Variants in AGBL4 observed in about 807,000 individuals in gnomAD.
AGBL4 encodes the protein cytosolic carboxypeptidase 6.
AGBL4 carries 58 observed loss-of-function variants against 66.4 expected under a neutral mutation model. The observed-to-expected ratio is 0.87, with a 90% CI of 0.71 to 1.09. The LOEUF (loss-of-function observed/expected upper bound fraction) is 1.09. AGBL4 is among the 50% of genes least tolerant of loss of function. The pLI is 0.00. For synonymous variants in AGBL4, 234 were observed against 222.9 expected (o/e 1.05, Z -0.44); for missense variants, 579 against 631.0 (o/e 0.92, Z 0.88).
chr1:48,846,658 G>C (rs558500656), intron 6 of AGBL4, among the ~76,000 whole-genome samples: 3 of 152,244 alleles, frequency 2.0e-5, no homozygotes, highest in African/African-American at 7.2e-5. Context: ...ACCAGTTTAG[G>C]CATGGTAAGT....
At chr1:49,697,494 T>C (rs140619250) in intron 2 of AGBL4, 57 bp from the exon 3 acceptor site, 9 of 1,324,792 alleles carry the variant, frequency 6.8e-6, no homozygotes, top group Middle Eastern at 1.9e-4. Flanking sequence ...AGCTCAATGG[T>C]ACACACATTT....
At chr1:49,747,446 CAAAG>C (rs1172414545) in intron 2 of AGBL4, among the ~76,000 whole-genome samples, 1 of 152,064 alleles carries the variant, frequency 6.6e-6, no homozygotes, top group East Asian at 1.9e-4. Context: ...TTCTGATGAA[CAAAG>C]AGATAATAGT....
At chr1:49,346,050 C>T (rs948686480) in intron 3 of AGBL4, among the ~76,000 whole-genome samples, 21 of 152,184 alleles carry the variant, frequency 1.4e-4, no homozygotes, top group Non-Finnish European at 2.1e-4. Flanking sequence ...TTTTAAAAAG[C>T]GCCTATATGG....
intron 3 of AGBL4, among the ~76,000 whole-genome samples, chr1:49,503,221 C>A (rs1366325887): frequency 3.9e-5 from 6 of 152,116 alleles, no homozygotes; most frequent in African/African-American, 1.4e-4. Flanking sequence ...GCCTTAGTAA[C>A]TTCCATGTGG....
rs1271576104 is a variant in AGBL4 at position 48,587,159 on chromosome 1, G to A, written c.1112C>T (p.Thr371Ile). ...TTTCACAGCGTCCCGGTTAAAGGAT[G>A]TGCTGGACTGTGAAAGACAGAGTAG... ...QNAEDFSYSS[T>I]SFNRDAVKAG... The change falls in exon 11 of 14, where the codon ACA becomes ATA. Residue 371 changes from threonine (T) to isoleucine (I), a missense_variant. Thr to Ile is a moderately conservative substitution (Grantham distance 89, BLOSUM62 -1). Coordinates refer to ENST00000371839, the MANE Select transcript of AGBL4 (RefSeq NM_032785.4). 1 of 1,552,200 alleles carries A rather than the reference G, an allele frequency of 6.4e-7. No homozygotes were observed. Among genetic ancestry groups the A allele is most frequent in the Non-Finnish European group, 8.7e-7 (1 of 1,147,520 alleles).
At chr1:49,882,089 T>A (rs1647396258) in intron 1 of AGBL4, among the ~76,000 whole-genome samples, 1 of 152,084 alleles carries the variant, frequency 6.6e-6, no homozygotes. Context: ...GGGATCCAGT[T>A]TCAGCTTTCT....
At chr1:49,044,316 G>A (rs1408629479) in intron 5 of AGBL4, among the ~76,000 whole-genome samples, 1 of 152,008 alleles carries the variant, frequency 6.6e-6, no homozygotes, top group Non-Finnish European at 1.5e-5. Flanking sequence ...TGGCCAACAT[G>A]GTGAAACACT....
chr1:49,458,350 C>T (rs552674525), intron 3 of AGBL4, among the ~76,000 whole-genome samples: 1 of 151,762 alleles, frequency 6.6e-6, no homozygotes, highest in African/African-American at 2.4e-5. Flanking sequence ...TAATTCTCAG[C>T]TTGGTCACTG....
chr1:49,720,966 C>T (rs529530167), intron 2 of AGBL4, among the ~76,000 whole-genome samples: 4 of 152,128 alleles, frequency 2.6e-5, no homozygotes, highest in East Asian at 1.9e-4. Flanking sequence ...TAATGAGAGG[C>T]GAAGCCAGCT....
intron 4 of AGBL4, among the ~76,000 whole-genome samples, chr1:49,232,805 A>G (rs997045365): frequency 1.3e-5 from 2 of 152,078 alleles, no homozygotes; most frequent in African/African-American, 4.8e-5. Context: ...GAAAGCAATG[A>G]TATTTAGTTT....
intron 1 of AGBL4, among the ~76,000 whole-genome samples, chr1:49,856,567 T>C (rs201572674): frequency 6.6e-6 from 1 of 152,020 alleles, no homozygotes; most frequent in East Asian, 1.9e-4. Context: ...ACAAGGACGG[T>C]TCAACATACA....
chr1:48,950,981 G>A (rs545301109), intron 5 of AGBL4, among the ~76,000 whole-genome samples: 1 of 152,086 alleles, frequency 6.6e-6, no homozygotes, highest in East Asian at 1.9e-4. Context: ...CAAAAATCCA[G>A]ATAAAAAATG....
intron 1 of AGBL4, among the ~76,000 whole-genome samples, chr1:49,979,434 G>A (rs1658873524): frequency 1.3e-5 from 2 of 151,040 alleles, no homozygotes; most frequent in African/African-American, 2.4e-5. Flanking sequence ...GCAGTCCGCA[G>A]TCCGGCCTGG....
At chr1:48,703,933 T>G (rs1646841696) in intron 6 of AGBL4, among the ~76,000 whole-genome samples, 1 of 152,208 alleles carries the variant, frequency 6.6e-6, no homozygotes, top group Non-Finnish European at 1.5e-5. Flanking sequence ...TTCTGGGAAA[T>G]GCCTCATTAG....
rs74967170 is a variant in AGBL4 at position 50,017,871 on chromosome 1, C to A, written c.34+5892G>T. Among the ~76,000 whole-genome samples the A allele has an allele frequency of 4.0e-3, 608 of 152,032 alleles. 1 individual carries two copies. The highest frequency in any genetic ancestry group is 6.6e-3 in the Non-Finnish European group (449 of 67,970). On this transcript the variant is annotated intron_variant, in intron 1 of 13. Transcript: ENST00000371839. ...CCATATAACAAACCTGTGTATGTAC[C>A]CCATGAGCCTAAAATAAAAGTTGAA...
intron 4 of AGBL4, among the ~76,000 whole-genome samples, chr1:49,193,833 T>G (rs1198418554): frequency 1.3e-5 from 2 of 152,174 alleles, no homozygotes; most frequent in African/African-American, 4.8e-5. Flanking sequence ...GTGCCCAGCC[T>G]TGGTATTGAT....
chr1:48,580,320 A>G (rs1478525658), intron 11 of AGBL4, among the ~76,000 whole-genome samples: 1 of 152,210 alleles, frequency 6.6e-6, no homozygotes, highest in Admixed American at 6.5e-5. Context: ...CTAGTCCCCT[A>G]AGACCTTTCC....
chr1:49,508,764 T>C (rs1468428632), intron 3 of AGBL4, among the ~76,000 whole-genome samples: 2 of 151,912 alleles, frequency 1.3e-5, no homozygotes, highest in African/African-American at 4.8e-5. Context: ...ATGATTATTG[T>C]GAACATTAAG....
the AGBL4 span, among the ~76,000 whole-genome samples, chr1:48,524,575 GA>G: frequency 7.9e-5 from 12 of 152,152 alleles, no homozygotes; most frequent in African/African-American, 2.9e-4. Flanking sequence ...GAAATGTCAA[GA>G]AAGTAGACAG....
Sources: gnomAD v4.1 joint callset for allele counts (sites outside exome capture counted in the v4.1 genomes callset) on GRCh38, gnomAD v4.1.1 for gene constraint, MANE v1.5 for transcripts, NCBI Gene and HGNC (gene_info 2026-07-23, HGNC 2026-07-21) for gene names.